Variants in SLC25A33 observed in about 807,000 individuals in gnomAD.
The protein encoded by SLC25A33 is solute carrier family 25 member 33.
Under a neutral mutation model 35.5 loss-of-function variants are expected in SLC25A33, and 15 were observed. The observed-to-expected ratio is 0.42, with a 90% CI of 0.28 to 0.65. The LOEUF is 0.65. SLC25A33 is among the 30% of genes least tolerant of loss of function. The pLI is 0.20. For synonymous variants in SLC25A33, 136 were observed against 148.7 expected (o/e 0.91, Z 0.62); for missense variants, 257 against 398.5 (o/e 0.64, Z 3.02).
intron 1 of SLC25A33, among the ~76,000 whole-genome samples, chr1:9,553,230 G>GTTT (rs1340250968): frequency 3.4e-4 from 31 of 91,226 alleles, no homozygotes; most frequent in East Asian, 7.0e-4. Context: ...TTTTTTTTGG[G>GTTT]TTTTTTTTTT....
chr1:9,565,254 CGCCTGTAATCCCA>C (rs1304162475), intron 2 of SLC25A33, among the ~76,000 whole-genome samples: 11 of 152,222 alleles, frequency 7.2e-5, no homozygotes, highest in African/African-American at 2.4e-4. Context: ...ATGTGGCTCT[CGCCTGTAATCCCA>C]GCACTTTGGG....
intron 4 of SLC25A33, 40 bp downstream of exon 4, chr1:9,570,398 A>G: frequency 6.6e-7 from 1 of 1,520,228 alleles, no homozygotes; most frequent in Non-Finnish European, 9.1e-7. Flanking sequence ...TCTCTCTCTC[A>G]CTTTTCTAAA....
At chr1:9,577,133 GAGA>G (rs1643671191) in intron 5 of SLC25A33, 2 of 480,128 alleles carry the variant, frequency 4.2e-6, no homozygotes, top group South Asian at 2.1e-5. Context: ...TTTGGGCAGA[GAGA>G]AGGTGAGTGT....
At chr1:9,573,456 AT>A (rs368488406) in intron 5 of SLC25A33, 44 bp downstream of exon 5, 70 of 1,533,274 alleles carry the variant, frequency 4.6e-5, no homozygotes, top group South Asian at 1.3e-4. Flanking sequence ...GATTTTTGGG[AT>A]TTTTTTTTCT....
In SLC25A33 at chr1:9,539,554, A is replaced by G. The variant is rs968842043; in HGVS notation, c.-138A>G. ...CGGGCCGAGCAGAGCCGGGCGTTGGAGCCCGCGCGCGCATGGAGGCGTTGC... is the reference window on the plus strand; with the variant it reads ...CGGGCCGAGCAGAGCCGGGCGTTGGGGCCCGCGCGCGCATGGAGGCGTTGC... On this transcript the variant is annotated 5_prime_UTR_variant, in exon 1 of 7. Coordinates refer to ENST00000302692, the MANE Select transcript of SLC25A33 (RefSeq NM_032315.3). The G allele has an allele frequency of 2.0e-4, 109 of 531,856 alleles. No homozygotes were observed. The highest frequency in any genetic ancestry group is 2.0e-3 in the African/African-American group (96 of 48,986). The allele number at this position is 531,856 out of a possible 1,614,324, so 32.9% of individuals were successfully genotyped here.
At chr1:9,549,996 C>CATACATATAT (rs1643240674) in intron 1 of SLC25A33, among the ~76,000 whole-genome samples, 1 of 72,060 alleles carries the variant, frequency 1.4e-5, no homozygotes, top group African/African-American at 6.8e-5. Context: ...TTTTTCTATA[C>CATACATATAT]ATATATATAT....
intron 4 of SLC25A33, among the ~76,000 whole-genome samples, chr1:9,570,833 C>A (rs1643580567): frequency 6.6e-6 from 1 of 151,458 alleles, no homozygotes; most frequent in Non-Finnish European, 1.5e-5. Context: ...GTGCCTCAGC[C>A]TCCTGAGTAG....
intron 2 of SLC25A33, among the ~76,000 whole-genome samples, 178 bp from the exon 3 acceptor site, chr1:9,567,106 G>A (rs767279858): frequency 6.6e-6 from 1 of 152,136 alleles, no homozygotes. Flanking sequence ...CTGTGCTAAT[G>A]ATAGCAGTAT....
At chr1:9,561,195 G>A (rs940637909) in intron 2 of SLC25A33, among the ~76,000 whole-genome samples, 8 of 152,000 alleles carry the variant, frequency 5.3e-5, no homozygotes, top group Non-Finnish European at 8.8e-5. Context: ...CGCCCGCTTC[G>A]GCCTCCCAAA....
At chr1:9,570,691 A>G (rs528125459) in intron 4 of SLC25A33, among the ~76,000 whole-genome samples, 2 of 147,562 alleles carry the variant, frequency 1.4e-5, no homozygotes, top group Non-Finnish European at 3.0e-5. Context: ...ATAGATAGAT[A>G]GATAGATATA....
In SLC25A33 at chr1:9,582,544, T is replaced by C. The variant is rs774172406; in HGVS notation, c.*43T>C. ...CTCTAGAAGAATAAAACTGAAAAAC[T>C]CTAGAGAATTTTTTTTCCCCATTGA... On this transcript the variant is annotated 3_prime_UTR_variant, in exon 7 of 7. Coordinates refer to ENST00000302692, the MANE Select transcript of SLC25A33 (RefSeq NM_032315.3). The surrounding 1 kb of genome is among the most constrained non-coding windows in gnomAD (Gnocchi z 4.0). 3.0e-5 allele frequency: 47 copies of C among 1,542,112 alleles called. No homozygotes were observed. Among genetic ancestry groups the C allele is most frequent in the African/African-American group, 4.1e-5 (3 of 72,442 alleles).
chr1:9,555,182 A>G (rs1186713867), intron 2 of SLC25A33, among the ~76,000 whole-genome samples: 1 of 128,450 alleles, frequency 7.8e-6, no homozygotes, highest in Non-Finnish European at 1.5e-5. Flanking sequence ...CAGTGGTGCG[A>G]TCTCCACTTA....
At chr1:9,580,863 A>G (rs1557538999) in intron 6 of SLC25A33, among the ~76,000 whole-genome samples, 1 of 121,160 alleles carries the variant, frequency 8.3e-6, no homozygotes, top group Non-Finnish European at 1.8e-5. Context: ...TCAAAAAAAA[A>G]AAAATAATAA....
At chr1:9,574,743 G>T (rs1420039263) in intron 5 of SLC25A33, among the ~76,000 whole-genome samples, 2 of 152,128 alleles carry the variant, frequency 1.3e-5, no homozygotes, top group African/African-American at 4.8e-5. Flanking sequence ...TATGAAGGTG[G>T]CTTTAATACT....
At chr1:9,567,163 G>T in intron 2 of SLC25A33, 121 bp from the exon 3 acceptor site, 3 of 795,408 alleles carry the variant, frequency 3.8e-6, no homozygotes, top group East Asian at 2.5e-5. Context: ...GATAAGAGTC[G>T]AGCTTGACAT....
At position 9,568,776 on chromosome 1, in the gene SLC25A33, G is replaced by A. The variant is rs150650263; in HGVS notation, c.314+1415G>A. Among the ~76,000 whole-genome samples, 648 of 151,882 alleles carry A rather than the reference G, an allele frequency of 4.3e-3. 7 individuals carry two copies. Among genetic ancestry groups the A allele is most frequent in the African/African-American group, 0.014 (580 of 41,448 alleles). ...TAAGGCAGGAGAATGGCATGAACCC[G>A]GGAGGCGGAGCTTGCAGTGAGCTGA... On this transcript the variant is annotated intron_variant, in intron 3 of 6. Transcript: ENST00000302692.
chr1:9,576,949 C>T, intron 5 of SLC25A33: 2 of 1,284,088 alleles, frequency 1.6e-6, no homozygotes, highest in Non-Finnish European at 2.2e-6. Context: ...GTATCTATGT[C>T]TCTGAAAAAG....
intron 2 of SLC25A33, among the ~76,000 whole-genome samples, chr1:9,560,434 G>A (rs1429294455): frequency 6.6e-6 from 1 of 150,554 alleles, no homozygotes; most frequent in African/African-American, 2.4e-5. Flanking sequence ...TGTGGCGGTG[G>A]GCGCCTGTAA....
rs1407544221 is a variant in SLC25A33, at chr1:9,553,735, C to T, written c.166C>T (p.Leu56=). Reference sequence around the variant, plus strand: ...GACAGTCTACTATCCTCAGGTTCATCTGGGGACCATTAGTGGAGCTGGAAT... The same window carrying T: ...GACAGTCTACTATCCTCAGGTTCATTTGGGGACCATTAGTGGAGCTGGAAT... ...LRTVYYPQVH[L]GTISGAGMVR... The change falls in exon 2 of 7, where the codon CTG becomes TTG. Residue 56 remains leucine, a synonymous_variant. Transcript: ENST00000302692. 8.1e-6 allele frequency: 13 copies of T among 1,614,172 alleles called. No homozygotes were observed. Among genetic ancestry groups the T allele is most frequent in the Non-Finnish European group, 1.0e-5 (12 of 1,180,036 alleles).
Sources: allele counts gnomAD v4.1 joint callset (sites outside exome capture counted in the v4.1 genomes callset), GRCh38; gene constraint gnomAD v4.1.1; non-coding constraint Gnocchi (gnomAD v3.1); transcripts MANE v1.5; gene names NCBI Gene and HGNC (gene_info 2026-07-23, HGNC 2026-07-21).